Variants in PACRG observed in about 807,000 individuals in gnomAD.
The protein encoded by PACRG is parkin coregulated gene protein.
PACRG carries 29 observed loss-of-function variants against 29.7 expected under a neutral mutation model. That is an observed-to-expected ratio of 0.98 (90% confidence interval 0.73 to 1.33). The LOEUF is 1.33. Ranked by LOEUF, PACRG falls within the 40% of genes most tolerant of loss-of-function variation. The pLI is 0.00. For synonymous variants in PACRG, 116 were observed against 118.7 expected, an observed-to-expected ratio of 0.98 and a Z score of 0.15; for missense variants, 279 against 316.2, an observed-to-expected ratio of 0.88 and a Z score of 0.89.
At chr6:163,095,719 C>G (rs1003521088) in intron 4 of PACRG, among the ~76,000 whole-genome samples, 1 of 152,050 alleles carries the variant, frequency 6.6e-6, no homozygotes, top group African/African-American at 2.4e-5. Flanking sequence ...CTCTTCTCTT[C>G]CTATGAGAAT....
chr6:162,844,592 G>T (rs892581912), intron 2 of PACRG, among the ~76,000 whole-genome samples: 1 of 152,228 alleles, frequency 6.6e-6, no homozygotes, highest in South Asian at 2.1e-4. Context: ...GACCGGAGCT[G>T]TTCCTATTGC....
chr6:162,889,266 A>G (rs1208568571), intron 2 of PACRG, among the ~76,000 whole-genome samples: 1 of 152,118 alleles, frequency 6.6e-6, no homozygotes, highest in Non-Finnish European at 1.5e-5. Flanking sequence ...CATTTTCTAC[A>G]TCACTGATCC....
chr6:162,947,627 T>TATATATATATATATATATAATC (rs1799320858), intron 2 of PACRG, among the ~76,000 whole-genome samples: 1 of 61,114 alleles, frequency 1.6e-5, no homozygotes, highest in Non-Finnish European at 3.1e-5. Context: ...TATATATATA[T>TATATATATATATATATATAATC]ATATATATAT....
intron 4 of PACRG, among the ~76,000 whole-genome samples, chr6:163,236,253 T>C (rs575036548): frequency 6.6e-6 from 1 of 152,264 alleles, no homozygotes; most frequent in South Asian, 2.1e-4. Flanking sequence ...TCCAGGTAGG[T>C]TTCCTAAACA....
At chr6:163,189,953 GGTAACACCACAAAAGCA>G (rs1182420421) in intron 4 of PACRG, 24 of 152,236 alleles carry the variant, frequency 1.6e-4, no homozygotes, top group African/African-American at 5.8e-4. Flanking sequence ...AGCTAGGTCT[GGTAACACCACAAAAGCA>G]GTAACATTCA....
At chr6:163,165,991 C>A (rs1265587903) in intron 4 of PACRG, 4 of 415,542 alleles carry the variant, frequency 9.6e-6, no homozygotes, top group African/African-American at 6.2e-5. Context: ...AATACAATTT[C>A]TCTTATTTGA....
At chr6:163,254,608 C>T (rs1000780520) in intron 4 of PACRG, among the ~76,000 whole-genome samples, 53 of 152,142 alleles carry the variant, frequency 3.5e-4, no homozygotes, top group African/African-American at 1.1e-3. Flanking sequence ...CTGTCCAGGA[C>T]GAGGTGAGGT....
chr6:163,024,432 A>G (rs1479927183), intron 2 of PACRG, among the ~76,000 whole-genome samples: 1 of 152,026 alleles, frequency 6.6e-6, no homozygotes, highest in Admixed American at 6.6e-5. Flanking sequence ...CCATTGATCT[A>G]TGTGTATATT....
At chr6:163,028,319 T>TC (rs1316572978) in intron 2 of PACRG, among the ~76,000 whole-genome samples, 1 of 152,118 alleles carries the variant, frequency 6.6e-6, no homozygotes, top group African/African-American at 2.4e-5. Flanking sequence ...TTACAGAAGG[T>TC]CTCCAGGTAC....
At chr6:162,773,283 ATAT>A (rs1357360457) in intron 1 of PACRG, among the ~76,000 whole-genome samples, 1 of 151,874 alleles carries the variant, frequency 6.6e-6, no homozygotes, top group Non-Finnish European at 1.5e-5. Flanking sequence ...GAATATCCTA[ATAT>A]TAGAAAATTT....
At chr6:163,191,815 T>C (rs894152892) in intron 4 of PACRG, 4 of 454,918 alleles carry the variant, frequency 8.8e-6, no homozygotes, top group Admixed American at 4.7e-5. Flanking sequence ...CTTTTTTCTC[T>C]AAACCCTGTA....
intron 4 of PACRG, among the ~76,000 whole-genome samples, chr6:163,134,950 G>A (rs1446409100): frequency 6.6e-6 from 1 of 151,976 alleles, no homozygotes; most frequent in African/African-American, 2.4e-5. Context: ...GTACTTATTT[G>A]ACCTCTCCTC....
intron 4 of PACRG, among the ~76,000 whole-genome samples, chr6:163,159,600 T>C (rs940956464): frequency 1.3e-5 from 2 of 152,140 alleles, no homozygotes; most frequent in Non-Finnish European, 2.9e-5. Context: ...CAGTATTTAA[T>C]ATAATGAGCG....
At chr6:162,954,835 CT>C (rs1799903486) in intron 2 of PACRG, among the ~76,000 whole-genome samples, 2 of 152,080 alleles carry the variant, frequency 1.3e-5, no homozygotes, top group Non-Finnish European at 2.9e-5. Context: ...TCATATAGTA[CT>C]TTTTAGAGAT....
At chr6:163,027,491 A>G (rs1018744844) in intron 2 of PACRG, among the ~76,000 whole-genome samples, 2 of 152,182 alleles carry the variant, frequency 1.3e-5, no homozygotes, top group African/African-American at 4.8e-5. Context: ...CCCTTTGTCT[A>G]GGTTATGGGA....
intron 2 of PACRG, among the ~76,000 whole-genome samples, chr6:162,849,598 C>T (rs1425876629): frequency 6.6e-6 from 1 of 152,176 alleles, no homozygotes; most frequent in Non-Finnish European, 1.5e-5. Flanking sequence ...AGAATAGTTC[C>T]TGTCTGTATC....
intron 1 of PACRG, among the ~76,000 whole-genome samples, chr6:162,768,761 T>C (rs2128299707): frequency 6.6e-6 from 1 of 152,252 alleles, no homozygotes; most frequent in African/African-American, 2.4e-5. Context: ...CTAAAATGCC[T>C]TTGAACCTTT....
At chr6:163,015,220 T>TA (rs1370564965) in intron 2 of PACRG, among the ~76,000 whole-genome samples, 1 of 152,208 alleles carries the variant, frequency 6.6e-6, no homozygotes. Flanking sequence ...TCCAGCTTTG[T>TA]ACCAGTAGCA....
upstream of PACRG, among the ~76,000 whole-genome samples, chr6:162,727,448 C>T (rs1211516175): frequency 6.7e-6 from 1 of 150,282 alleles, no homozygotes; most frequent in African/African-American, 2.4e-5. Context: ...AGAGCAGGGG[C>T]GGGCAGGCGA....
Sources: gnomAD v4.1 joint callset for allele counts (sites outside exome capture counted in the v4.1 genomes callset) on GRCh38, gnomAD v4.1.1 for gene constraint, MANE v1.5 for transcripts, NCBI Gene and HGNC (gene_info 2026-07-23, HGNC 2026-07-21) for gene names.